Variants in ARHGAP35 observed in about 807,000 individuals in gnomAD.
The protein encoded by ARHGAP35 is rho GTPase-activating protein 35.
ARHGAP35 carries 15 observed loss-of-function variants against 111.1 expected under a neutral mutation model. That is an observed-to-expected ratio of 0.13 (90% CI 0.09 to 0.21). The LOEUF is 0.21. Among genes scored for constraint, ARHGAP35 ranks in the 10% least tolerant of loss-of-function variants. The pLI, the probability that ARHGAP35 is intolerant of heterozygous loss-of-function variation, is 1.00. For missense variants in ARHGAP35, 1,262 were observed against 1,873.0 expected, an observed-to-expected ratio of 0.67 and a Z score of 6.02; for synonymous variants, 643 against 710.3, an observed-to-expected ratio of 0.91 and a Z score of 1.51.
At chr19:46,978,555 GGT>G (rs1188869736) in intron 3 of ARHGAP35, among the ~76,000 whole-genome samples, 3 of 144,238 alleles carry the variant, frequency 2.1e-5, no homozygotes, top group Admixed American at 6.9e-5. Context: ...TGTGTGGTGA[GGT>G]GTGTGTGTGG....
chr19:46,917,993 C>T (rs947846378), intron 1 of ARHGAP35, among the ~76,000 whole-genome samples: 5 of 152,196 alleles, frequency 3.3e-5, no homozygotes, highest in South Asian at 2.1e-4. Flanking sequence ...GGATTACAGG[C>T]GTAAGCTACC....
At chr19:46,887,658 C>T (rs943698349) in intron 1 of ARHGAP35, among the ~76,000 whole-genome samples, 1 of 152,132 alleles carries the variant, frequency 6.6e-6, no homozygotes, top group Non-Finnish European at 1.5e-5. Flanking sequence ...CAACTCAGTG[C>T]TCTAACCATG....
chr19:46,861,797 GT>G (rs1466194979), intron 1 of ARHGAP35, among the ~76,000 whole-genome samples: 1 of 152,040 alleles, frequency 6.6e-6, no homozygotes, highest in East Asian at 1.9e-4. Flanking sequence ...CCTGGGAGCT[GT>G]CCCTTTAGGA....
chr19:46,933,195 G>A (rs551245778), intron 2 of ARHGAP35, among the ~76,000 whole-genome samples: 5 of 142,518 alleles, frequency 3.5e-5, no homozygotes, highest in Admixed American at 2.9e-4. Flanking sequence ...CCAGGCTGGA[G>A]TGCAGTGGCA....
intron 5 of ARHGAP35, among the ~76,000 whole-genome samples, chr19:46,991,750 T>C (rs1435876111): frequency 6.6e-6 from 1 of 152,194 alleles, no homozygotes; most frequent in African/African-American, 2.4e-5. Context: ...GAGCCGCAGA[T>C]ACCAGGCAGT....
intron 1 of ARHGAP35, among the ~76,000 whole-genome samples, chr19:46,862,635 C>A (rs2055835064): frequency 6.6e-6 from 1 of 152,176 alleles, no homozygotes; most frequent in Non-Finnish European, 1.5e-5. Context: ...CCCTCCCCAG[C>A]TCGGCTCCTT....
chr19:46,864,086 G>T (rs888442357), intron 1 of ARHGAP35, among the ~76,000 whole-genome samples: 17 of 152,276 alleles, frequency 1.1e-4, no homozygotes, highest in Non-Finnish European at 2.9e-5. Flanking sequence ...TACAAGGGGT[G>T]TGTGGGTGGG....
chr19:46,952,465 C>T (rs1242324321), intron 3 of ARHGAP35, among the ~76,000 whole-genome samples: 3 of 152,184 alleles, frequency 2.0e-5, no homozygotes, highest in African/African-American at 7.2e-5. Flanking sequence ...TCCAAAAGAG[C>T]ATTTAAGAAG....
At chr19:46,878,039 T>C (rs2055935459) in intron 1 of ARHGAP35, among the ~76,000 whole-genome samples, 3 of 152,082 alleles carry the variant, frequency 2.0e-5, no homozygotes, top group Admixed American at 6.6e-5. Flanking sequence ...TTTATTTTTT[T>C]GAGACAGAGT....
chr19:46,927,112 G>A (rs1372253838), intron 2 of ARHGAP35, among the ~76,000 whole-genome samples: 1 of 152,184 alleles, frequency 6.6e-6, no homozygotes, highest in African/African-American at 2.4e-5. Context: ...CTTGACCTTG[G>A]ATTTTCTGTT....
rs117422849 is a variant in ARHGAP35, at chr19:46,994,573, C to T, written c.4037-4731C>T. Among the ~76,000 whole-genome samples, 900 of 152,210 alleles carry T rather than the reference C, an allele frequency of 5.9e-3. 7 individuals carry two copies. The highest frequency in any genetic ancestry group is 9.9e-3 in the Non-Finnish European group (672 of 68,012). On this transcript the variant is annotated intron_variant, in intron 5 of 6. Transcript: ENST00000672722. This position sits in a 1 kb window ranked among gnomAD's most constrained non-coding sequence, Gnocchi z 5.4. ...TCAGCAAGTAGCAGCCAGCCAGAGGCGCCGTGAACTCGCCGGGGATGAGGA... is the reference window on the plus strand; with the variant it reads ...TCAGCAAGTAGCAGCCAGCCAGAGGTGCCGTGAACTCGCCGGGGATGAGGA...
chr19:46,971,523 G>A (rs1418018523), intron 3 of ARHGAP35, among the ~76,000 whole-genome samples: 5 of 150,568 alleles, frequency 3.3e-5, no homozygotes, highest in Non-Finnish European at 5.9e-5. Flanking sequence ...TTTTTGAGAC[G>A]GAGTCTTGCT....
intron 1 of ARHGAP35, among the ~76,000 whole-genome samples, chr19:46,879,990 G>C (rs1476515252): frequency 6.6e-6 from 1 of 151,686 alleles, no homozygotes; most frequent in African/African-American, 2.4e-5. Context: ...GGAGGTTGAG[G>C]CATGAGAATT....
chr19:46,881,031 G>A (rs989836290), intron 1 of ARHGAP35, among the ~76,000 whole-genome samples: 1 of 145,336 alleles, frequency 6.9e-6, no homozygotes, highest in African/African-American at 2.6e-5. Flanking sequence ...CACAATCTCC[G>A]CCTCCTGGGT....
At chr19:46,930,412 C>T (rs1426784241) in intron 2 of ARHGAP35, among the ~76,000 whole-genome samples, 1 of 149,146 alleles carries the variant, frequency 6.7e-6, no homozygotes, top group East Asian at 2.0e-4. Flanking sequence ...ACCACCCCAC[C>T]TGCTTCCAGT....
At chr19:46,939,412 T>TATTTATTA (rs1555760599) in intron 3 of ARHGAP35, among the ~76,000 whole-genome samples, 1 of 125,892 alleles carries the variant, frequency 7.9e-6, no homozygotes, top group South Asian at 2.4e-4. Context: ...TTTATTTATT[T>TATTTATTA]ATTATTTAAT....
At chr19:46,944,252 T>A (rs1341256164) in intron 3 of ARHGAP35, among the ~76,000 whole-genome samples, 1 of 147,778 alleles carries the variant, frequency 6.8e-6, no homozygotes, top group Non-Finnish European at 1.5e-5. Context: ...TAAGCTGAGA[T>A]CATGCCACTG....
At chr19:46,976,530 A>T (rs1054142846) in intron 3 of ARHGAP35, among the ~76,000 whole-genome samples, 2 of 152,222 alleles carry the variant, frequency 1.3e-5, no homozygotes, top group African/African-American at 4.8e-5. Context: ...AGACAGAAAT[A>T]GTCTGGGTGG....
intron 3 of ARHGAP35, chr19:46,948,446 T>C (rs1337343818): frequency 2.6e-5 from 4 of 152,174 alleles, no homozygotes; most frequent in African/African-American, 9.7e-5. Flanking sequence ...AATGAAAACA[T>C]ACGTTCACAC....
Sources: gnomAD v4.1 joint callset for allele counts (sites outside exome capture counted in the v4.1 genomes callset) on GRCh38, gnomAD v4.1.1 for gene constraint, Gnocchi (gnomAD v3.1) non-coding constraint, MANE v1.5 for transcripts, NCBI Gene and HGNC (gene_info 2026-07-23, HGNC 2026-07-21) for gene names.